The following ZFPM2 variants were observed in gnomAD, a reference collection of about 807,000 sequenced individuals.
ZFPM2 encodes zinc finger protein, FOG family member 2.
A neutral mutation model predicts 98.6 loss-of-function variants in ZFPM2; 20 were observed. The ratio of observed to expected loss-of-function variants is 0.20; its 90% CI spans 0.14 to 0.29. The LOEUF is 0.29. Ranked by LOEUF, ZFPM2 falls within the 10% of genes least tolerant of loss-of-function variation. The pLI, the probability that ZFPM2 is intolerant of heterozygous loss-of-function variation, is 1.00. For missense variants in ZFPM2, 1,310 were observed against 1,388.6 expected (o/e 0.94, Z 0.90); for synonymous variants, 518 against 502.7 (o/e 1.03, Z -0.41).
At chr8:105,617,246 T>A (rs1180927737) in intron 4 of ZFPM2, among the ~76,000 whole-genome samples, 1 of 151,990 alleles carries the variant, frequency 6.6e-6, no homozygotes, top group Non-Finnish European at 1.5e-5. Context: ...ACCCACTGAA[T>A]CAAAATAACT....
At position 105,419,321 on chromosome 8, in the gene ZFPM2, A is replaced by T. The variant is rs767667860; in HGVS notation, c.199+19A>T. The T allele has an allele frequency of 3.0e-5, 48 of 1,611,482 alleles. No individual in the cohort carries two copies. Among genetic ancestry groups the T allele is most frequent in the Non-Finnish European group, 4.0e-5 (47 of 1,179,096 alleles). ...AACAAAGGTAATTGTTGATGGTTGGATGTAATATGTGAGTCCACTTAAATG... is the reference window on the plus strand; with the variant it reads ...AACAAAGGTAATTGTTGATGGTTGGTTGTAATATGTGAGTCCACTTAAATG... On this transcript the variant is annotated intron_variant, in intron 2 of 7. Coordinates refer to ENST00000407775, the MANE Select transcript of ZFPM2 (RefSeq NM_012082.4).
chr8:105,501,682 T>C (rs1813598703), intron 3 of ZFPM2, among the ~76,000 whole-genome samples: 1 of 151,350 alleles, frequency 6.6e-6, no homozygotes, highest in Non-Finnish European at 1.5e-5. Flanking sequence ...TTTTGCAGTT[T>C]CACCATCTTG....
chr8:105,585,059 G>T (rs1366915159), intron 4 of ZFPM2, among the ~76,000 whole-genome samples: 1 of 152,082 alleles, frequency 6.6e-6, no homozygotes, highest in Non-Finnish European at 1.5e-5. Context: ...GGAAGCATTG[G>T]GGCCTAATCC....
chr8:105,569,281 T>C lies in ZFPM2; in HGVS notation c.420+7800T>C, dbSNP rs565755857. ...TATACTAAGAGCTCAATGAATAACA[T>C]TGAATGAATCAGCACATTAATTTTT... On this transcript the variant is annotated intron_variant, in intron 4 of 7. Coordinates refer to ENST00000407775, the MANE Select transcript of ZFPM2 (RefSeq NM_012082.4). Among the ~76,000 whole-genome samples the C allele has an allele frequency of 7.6e-4, 116 of 152,318 alleles. 1 individual carries two copies. Among genetic ancestry groups the C allele is most frequent in the African/African-American group, 2.8e-3 (115 of 41,582 alleles).
chr8:105,368,319 G>A (rs1243772793), intron 1 of ZFPM2, among the ~76,000 whole-genome samples: 1 of 152,086 alleles, frequency 6.6e-6, no homozygotes, highest in Admixed American at 6.6e-5. Flanking sequence ...ACCACAAGGA[G>A]AATTCTTTTA....
chr8:105,662,480 A>G (rs988164035), intron 5 of ZFPM2: 7 of 152,008 alleles, frequency 4.6e-5, no homozygotes, highest in East Asian at 3.9e-4. Flanking sequence ...CGTATATATC[A>G]GCTCCAAGGT....
intron 3 of ZFPM2, among the ~76,000 whole-genome samples, chr8:105,531,527 A>G (rs558724069): frequency 1.3e-5 from 2 of 151,648 alleles, no homozygotes; most frequent in African/African-American, 4.8e-5. Context: ...CTCCAGCATG[A>G]CCTCTTCTTA....
At chr8:105,509,398 G>T (rs1297700487) in intron 3 of ZFPM2, among the ~76,000 whole-genome samples, 2 of 152,076 alleles carry the variant, frequency 1.3e-5, no homozygotes, top group East Asian at 3.9e-4. Flanking sequence ...TGCTCAGATC[G>T]GTAGCTGTTG....
chr8:105,800,124 T>A (rs1813956790), intron 7 of ZFPM2, among the ~76,000 whole-genome samples: 1 of 152,174 alleles, frequency 6.6e-6, no homozygotes, highest in African/African-American at 2.4e-5. Flanking sequence ...ATTAGATTCA[T>A]TAAGGAGAAA....
chr8:105,736,402 G>A (rs555596378), intron 5 of ZFPM2, among the ~76,000 whole-genome samples: 12 of 152,020 alleles, frequency 7.9e-5, no homozygotes, highest in Non-Finnish European at 1.6e-4. Flanking sequence ...ATCAACTCCA[G>A]ACCCAATGAA....
intron 4 of ZFPM2, among the ~76,000 whole-genome samples, chr8:105,577,582 T>A (rs2130734409): frequency 6.6e-6 from 1 of 152,114 alleles, no homozygotes; most frequent in African/African-American, 2.4e-5. Flanking sequence ...TTCTTATAAT[T>A]TCATTATTTT....
intron 1 of ZFPM2, among the ~76,000 whole-genome samples, chr8:105,344,337 C>T (rs1472812148): frequency 2.0e-5 from 3 of 152,140 alleles, no homozygotes; most frequent in Non-Finnish European, 1.5e-5. Flanking sequence ...GGGGCTCAAG[C>T]AGTACGTTCA....
At chr8:105,752,537 G>A (rs180703927) in intron 5 of ZFPM2, among the ~76,000 whole-genome samples, 45 of 152,242 alleles carry the variant, frequency 3.0e-4, no homozygotes, top group East Asian at 2.3e-3. Flanking sequence ...TTTAAAGCCC[G>A]TGGACGTTCT....
intron 3 of ZFPM2, among the ~76,000 whole-genome samples, chr8:105,461,648 G>A (rs1812706444): frequency 6.6e-6 from 1 of 152,204 alleles, no homozygotes; most frequent in African/African-American, 2.4e-5. Context: ...CCTCTTCTGT[G>A]ATCTTTTTAG....
intron 5 of ZFPM2, among the ~76,000 whole-genome samples, chr8:105,746,270 T>C (rs1445320477): frequency 6.6e-6 from 1 of 151,914 alleles, no homozygotes; most frequent in Non-Finnish European, 1.5e-5. Context: ...ATTAGGACTT[T>C]TACAGCTCCT....
At chr8:105,701,790 G>C (rs1811147471) in intron 5 of ZFPM2, among the ~76,000 whole-genome samples, 3 of 152,154 alleles carry the variant, frequency 2.0e-5, no homozygotes, top group Admixed American at 2.0e-4. Context: ...TGAAACTACA[G>C]TCATTTTTCA....
intron 1 of ZFPM2, among the ~76,000 whole-genome samples, chr8:105,385,868 A>G (rs527409899): frequency 6.6e-6 from 1 of 152,272 alleles, no homozygotes; most frequent in African/African-American, 2.4e-5. Context: ...ATGTTGGCAC[A>G]TAGGGAAGAA....
chr8:105,661,130 AAG>A (rs1354948260), intron 5 of ZFPM2, among the ~76,000 whole-genome samples: 3 of 152,286 alleles, frequency 2.0e-5, no homozygotes, highest in South Asian at 4.1e-4. Flanking sequence ...TTTTGACAAA[AAG>A]AGTTTTAGTC....
At chr8:105,579,134 A>T (rs1290106901) in intron 4 of ZFPM2, among the ~76,000 whole-genome samples, 1 of 152,112 alleles carries the variant, frequency 6.6e-6, no homozygotes, top group Non-Finnish European at 1.5e-5. Flanking sequence ...AAAAATGTTT[A>T]ACGACTATAT....
Sources: gnomAD v4.1 joint callset for allele counts (sites outside exome capture counted in the v4.1 genomes callset) on GRCh38, gnomAD v4.1.1 for gene constraint, MANE v1.5 for transcripts, NCBI Gene and HGNC (gene_info 2026-07-23, HGNC 2026-07-21) for gene names.